NF2: variants seen among roughly 807,000 people sequenced by gnomAD.
The protein encoded by NF2 is merlin.
In NF2, 8 loss-of-function variants were observed where a neutral mutation model predicts 83.7. The observed-to-expected ratio is 0.10, with a 90% confidence interval of 0.06 to 0.17. The LOEUF is 0.17. Among genes scored for constraint, NF2 ranks in the 10% least tolerant of loss-of-function variants. NF2 has a pLI of 1.00. For synonymous variants in NF2, 266 were observed against 269.6 expected, an observed-to-expected ratio of 0.99 and a Z score of 0.13; for missense variants, 533 against 744.4, an observed-to-expected ratio of 0.72 and a Z score of 3.31.
chr22:29,695,825 T>G lies in NF2; in HGVS notation c.*1023T>G. ...GGCCACAGCCCACTTCCCAACCCAC[T>G]GTTGTACCCAGGCCTCACTTTGCTG... On this transcript the variant is annotated 3_prime_UTR_variant, in exon 16 of 16. Transcript: ENST00000338641. This position sits in a 1 kb window ranked among gnomAD's most constrained non-coding sequence, Gnocchi z 5.4. The G allele has an allele frequency of 4.3e-6, 1 of 233,652 alleles. No homozygotes were observed. The highest frequency in any genetic ancestry group is 1.8e-4 in the South Asian group (1 of 5,536). 14.5% of individuals were successfully genotyped at this position (233,652 alleles called of 1,614,324 possible).
chr22:29,648,872 G>A (rs545155659), intron 4 of NF2, among the ~76,000 whole-genome samples: 3 of 152,302 alleles, frequency 2.0e-5, no homozygotes, highest in Admixed American at 6.5e-5. Context: ...TTACAGGCAT[G>A]AATCACTGCA....
chr22:29,685,395 A>C (rs1448556211), intron 15 of NF2, among the ~76,000 whole-genome samples: 4 of 151,776 alleles, frequency 2.6e-5, no homozygotes, highest in African/African-American at 9.7e-5. Flanking sequence ...AAAGTGAGCC[A>C]CTGTGCCTGG....
intron 3 of NF2, among the ~76,000 whole-genome samples, chr22:29,639,676 A>G (rs1198772199): frequency 6.6e-6 from 1 of 151,692 alleles, no homozygotes; most frequent in African/African-American, 2.4e-5. Context: ...CAAGGTCAGG[A>G]GATCGAGACC....
intron 15 of NF2, chr22:29,683,378 G>GC: frequency 7.4e-7 from 1 of 1,342,656 alleles, no homozygotes; most frequent in Non-Finnish European, 9.6e-7. Context: ...CCAGTCAGGT[G>GC]TGTCTAAAAG....
chr22:29,679,921 A>G (rs1019361296), intron 14 of NF2, among the ~76,000 whole-genome samples: 5 of 151,834 alleles, frequency 3.3e-5, no homozygotes, highest in African/African-American at 1.2e-4. Flanking sequence ...GGAGGCTGAG[A>G]AGGCCAAGAT....
At chr22:29,683,316 A>G in intron 15 of NF2, 1 of 1,421,200 alleles carries the variant, frequency 7.0e-7, no homozygotes, top group Non-Finnish European at 9.2e-7. Flanking sequence ...AGGACCAGCC[A>G]TTCTTCCCAT....
intron 1 of NF2, among the ~76,000 whole-genome samples, chr22:29,611,401 C>A (rs141092745): frequency 6.6e-6 from 1 of 152,024 alleles, no homozygotes; most frequent in African/African-American, 2.4e-5. Flanking sequence ...GTGGTGCATA[C>A]CTATAATTGT....
chr22:29,616,708 C>T (rs1323131864), intron 1 of NF2, among the ~76,000 whole-genome samples: 1 of 150,688 alleles, frequency 6.6e-6, no homozygotes, highest in Non-Finnish European at 1.5e-5. Flanking sequence ...CGCCGTTGCA[C>T]TCCAGCCTGG....
At chr22:29,633,429 T>G (rs763479919) in intron 1 of NF2, among the ~76,000 whole-genome samples, 9 of 152,204 alleles carry the variant, frequency 5.9e-5, no homozygotes, top group Non-Finnish European at 1.3e-4. Flanking sequence ...TCTGTGACTC[T>G]GCCTCTTTTC....
intron 3 of NF2, among the ~76,000 whole-genome samples, chr22:29,641,507 A>G (rs1042044904): frequency 6.6e-6 from 1 of 152,196 alleles, no homozygotes; most frequent in African/African-American, 2.4e-5. Context: ...GACATCTGTG[A>G]GAGGAGAGCT....
At chr22:29,686,109 CT>C (rs751439806) in intron 15 of NF2, among the ~76,000 whole-genome samples, 4 of 152,212 alleles carry the variant, frequency 2.6e-5, no homozygotes, top group African/African-American at 4.8e-5. Context: ...TAAAAATAGT[CT>C]TTGCCCCCAG....
chr22:29,619,232 A>G (rs2065150102), intron 1 of NF2, among the ~76,000 whole-genome samples: 1 of 152,116 alleles, frequency 6.6e-6, no homozygotes, highest in Non-Finnish European at 1.5e-5. Context: ...TTTAGTAAAG[A>G]CAGGGTTTCT....
chr22:29,610,347 TA>T (rs1215104165), intron 1 of NF2, among the ~76,000 whole-genome samples: 8 of 150,084 alleles, frequency 5.3e-5, no homozygotes, highest in Admixed American at 2.0e-4. Context: ...CCCTGTCTCT[TA>T]AAAAAAAGAA....
At chr22:29,645,652 C>T (rs77804379) in intron 4 of NF2, among the ~76,000 whole-genome samples, 2,330 of 152,256 alleles carry the variant, frequency 0.015, 50 homozygotes, top group African/African-American at 0.053. Context: ...GAGAGCAGAC[C>T]CAGCCTCTCA....
intron 13 of NF2, among the ~76,000 whole-genome samples, chr22:29,676,982 C>T (rs993177425): frequency 1.3e-5 from 2 of 152,210 alleles, no homozygotes; most frequent in African/African-American, 2.4e-5. Context: ...ACATCCCTGG[C>T]ACCCAAGGAG....
chr22:29,645,215 C>T (rs938002055), intron 4 of NF2, among the ~76,000 whole-genome samples: 3 of 152,092 alleles, frequency 2.0e-5, no homozygotes, highest in African/African-American at 7.2e-5. Context: ...TTTGATGGCT[C>T]ATGTAATATT....
At chr22:29,654,138 A>G (rs1041725242) in intron 4 of NF2, among the ~76,000 whole-genome samples, 3 of 152,228 alleles carry the variant, frequency 2.0e-5, no homozygotes, top group African/African-American at 7.2e-5. Flanking sequence ...TGTCTGTACA[A>G]TAGGAATGGC....
chr22:29,639,568 A>C (rs1309752935), intron 3 of NF2, among the ~76,000 whole-genome samples: 1 of 152,186 alleles, frequency 6.6e-6, no homozygotes, highest in Non-Finnish European at 1.5e-5. Flanking sequence ...TAGTTCTTCC[A>C]AAAGTTTAAA....
At chr22:29,689,177 CAAAAA>C (rs140087) in intron 15 of NF2, among the ~76,000 whole-genome samples, 44 of 89,288 alleles carry the variant, frequency 4.9e-4, no homozygotes, top group Admixed American at 4.0e-3. Context: ...GACTCCGTCT[CAAAAA>C]AAAAAAAAAA....
Sources: gnomAD v4.1 joint callset for allele counts (sites outside exome capture counted in the v4.1 genomes callset) on GRCh38, gnomAD v4.1.1 for gene constraint, Gnocchi (gnomAD v3.1) non-coding constraint, MANE v1.5 for transcripts, NCBI Gene and HGNC (gene_info 2026-07-23, HGNC 2026-07-21) for gene names.